The following BBS7 variants were observed in gnomAD, a reference collection of about 807,000 sequenced individuals.
The protein encoded by BBS7 is BBSome complex member BBS7.
Under a neutral mutation model 90.3 loss-of-function variants are expected in BBS7, and 50 were observed. That is an observed-to-expected ratio of 0.55 (90% CI 0.44 to 0.70). BBS7 has a LOEUF of 0.70. Among genes scored for constraint, BBS7 ranks in the 30% least tolerant of loss-of-function variants. The probability of loss-of-function intolerance (pLI) is 0.00; values close to 1 mark genes in which losing one functional copy is unlikely to be tolerated. For synonymous variants in BBS7, 235 were observed against 287.4 expected (o/e 0.82, Z 1.85); for missense variants, 729 against 838.9 (o/e 0.87, Z 1.62).
In BBS7 at chr4:121,833,357, A is replaced by T; in HGVS notation, c.1550T>A (p.Phe517Tyr). Residue 517 changes from phenylalanine (F) to tyrosine (Y), a missense_variant, in exon 15 of 19, where the codon TTT becomes TAT. Transcript: ENST00000264499. ...AACCACCCAGGAGTGAACTTCAGCA[A>T]AACTGAACTGGCCTGTTAGGGTCAG... The part of the protein sequence containing the change: ...NTLTLTGQFS[F>Y]AEVHSWVVFC... The T allele has an allele frequency of 6.2e-7, 1 of 1,614,072 alleles. No individual in the cohort carries two copies. The highest frequency in any genetic ancestry group is 2.2e-5 in the East Asian group (1 of 44,848).
At chr4:121,848,745 A>G (rs1270035006) in intron 9 of BBS7, 99 bp downstream of exon 9, 8 of 971,336 alleles carry the variant, frequency 8.2e-6, no homozygotes, top group East Asian at 5.2e-5. Context: ...GGGGACTACT[A>G]TAACTGTTTT....
Position 121,824,480 on chromosome 4 carries a change from TTG to T in BBS7, c.*1378_*1379del. On this transcript the variant is annotated 3_prime_UTR_variant, in exon 19 of 19. Transcript: ENST00000264499. This position sits in a 1 kb window ranked among gnomAD's most constrained non-coding sequence, Gnocchi z 4.1. The stretch of plus-strand genomic sequence containing the variant: ...GGCGTTTATTCATAGTAACCAGAAA[TTG>T]TGTTTTATGCTTTTTATTTTTCCTA... 1 of 152,302 alleles carries T rather than the reference TTG, an allele frequency of 6.6e-6. No individual in the cohort carries two copies. Among genetic ancestry groups the T allele is most frequent in the African/African-American group, 2.4e-5 (1 of 41,564 alleles). 9.4% of individuals were successfully genotyped at this position (152,302 alleles called of 1,614,324 possible).
At position 121,825,681 on chromosome 4, in the gene BBS7, G is replaced by T; in HGVS notation, c.*179C>A. The T allele has an allele frequency of 1.9e-6, 1 of 513,310 alleles. No homozygotes were observed. The highest frequency in any genetic ancestry group is 3.2e-6 in the Non-Finnish European group (1 of 313,292). 31.8% of individuals were successfully genotyped at this position (513,310 alleles called of 1,614,324 possible). On this transcript the variant is annotated 3_prime_UTR_variant, in exon 19 of 19. Coordinates refer to ENST00000264499, the MANE Select transcript of BBS7 (RefSeq NM_176824.3). ...AAATAAAAAGACTCTTTTAGTTTTA[G>T]AAAGTTCAATTTGTCAAAAGAAATA...
chr4:121,848,719 T>C, intron 9 of BBS7, 125 bp downstream of exon 9: 1 of 721,082 alleles, frequency 1.4e-6, no homozygotes, highest in Non-Finnish European at 2.3e-6. Flanking sequence ...TTGGAATGGA[T>C]TCCCCATGAA....
intron 2 of BBS7, among the ~76,000 whole-genome samples, chr4:121,867,321 AG>A (rs1250094378): frequency 6.6e-6 from 1 of 152,068 alleles, no homozygotes; most frequent in Non-Finnish European, 1.5e-5. Context: ...GTTTTTTGGT[AG>A]AGTCTTTAGG....
intron 5 of BBS7, among the ~76,000 whole-genome samples, chr4:121,856,165 C>T (rs1165475171): frequency 6.6e-6 from 1 of 152,140 alleles, no homozygotes; most frequent in African/African-American, 2.4e-5. Context: ...AATATTTTAA[C>T]AGACACAAAG....
chr4:121,845,361 C>CT (rs926685494), intron 11 of BBS7, 143 bp downstream of exon 11: 57 of 437,140 alleles, frequency 1.3e-4, no homozygotes, highest in Admixed American at 6.9e-4. Flanking sequence ...GAGTAAAACT[C>CT]TGTCTCAAAA....
At chr4:121,845,938 G>C (rs1725991587) in intron 10 of BBS7, among the ~76,000 whole-genome samples, 1 of 152,088 alleles carries the variant, frequency 6.6e-6, no homozygotes, top group Admixed American at 6.5e-5. Context: ...TATTAATAGA[G>C]AGTTTTAAAT....
At position 121,825,746 on chromosome 4, in the gene BBS7, T is replaced by A; in HGVS notation, c.*114A>T. The A allele has an allele frequency of 9.6e-7, 1 of 1,039,538 alleles. No homozygotes were observed. The highest frequency in any genetic ancestry group is 1.4e-6 in the Non-Finnish European group (1 of 738,114). 64.4% of individuals were successfully genotyped at this position (1,039,538 alleles called of 1,614,324 possible). On this transcript the variant is annotated 3_prime_UTR_variant, in exon 19 of 19. Transcript: ENST00000264499. Reference sequence around the variant, plus strand: ...AAAAGCCATTATATCTCAAATATTTTTAGATATAAAAAAGCATTTGAAATT... The same window carrying A: ...AAAAGCCATTATATCTCAAATATTTATAGATATAAAAAAGCATTTGAAATT...
Position 121,845,588 on chromosome 4 carries a change from A to G in BBS7, c.1146T>C (p.Asn382=), listed in dbSNP as rs1330592630. Residue 382 remains asparagine, a synonymous_variant, in exon 11 of 19, where the codon AAT becomes AAC. Coordinates refer to ENST00000264499, the MANE Select transcript of BBS7 (RefSeq NM_176824.3). ...AKSAVPSFGI[N]DKFTLNKDDA... ...CATCTTTATTTAGTGTAAATTTATC[A>G]TTTATACCAAAGGAAGGTACTGCTG... The G allele has an allele frequency of 6.2e-7, 1 of 1,612,928 alleles. No homozygotes were observed. Among genetic ancestry groups the G allele is most frequent in the Admixed American group, 1.7e-5 (1 of 60,006 alleles).
At chr4:121,839,504 A>T (rs72680765) in intron 13 of BBS7, 127 bp downstream of exon 13, 307 of 807,378 alleles carry the variant, frequency 3.8e-4, no homozygotes, top group Non-Finnish European at 6.0e-4. Flanking sequence ...TTCAAAATTC[A>T]TTACTCCAAA....
chr4:121,844,194 T>C (rs976028444), intron 11 of BBS7, among the ~76,000 whole-genome samples, 193 bp from the exon 12 acceptor site: 6 of 152,308 alleles, frequency 3.9e-5, no homozygotes, highest in Admixed American at 2.6e-4. Context: ...AAATGTTATT[T>C]TACAATCACC....
At chr4:121,849,521 G>A (rs1213627155) in intron 8 of BBS7, among the ~76,000 whole-genome samples, 3 of 152,074 alleles carry the variant, frequency 2.0e-5, no homozygotes, top group Non-Finnish European at 2.9e-5. Context: ...TATAAAGAAA[G>A]GTTTTTTAAA....
At position 121,855,523 on chromosome 4, in the gene BBS7, G is replaced by C. The variant is rs567185907; in HGVS notation, c.567C>G (p.Pro189=). The C allele has an allele frequency of 5.0e-6, 8 of 1,613,620 alleles. No homozygotes were observed. The South Asian group carries it at 6.6e-5, about 13-fold the overall frequency. Residue 189 remains proline, a synonymous_variant, in exon 6 of 19, where the codon CCC becomes CCG. Transcript: ENST00000264499. ...CATTGTGTAGTGCTAAGACAGTAGG[G>C]GGTCCAGGAACTTCAACTGCATACA... ...DVMYAVEVPG[P]PTVLALHNGN... is the part of the protein sequence containing the mutation.
intron 9 of BBS7, among the ~76,000 whole-genome samples, chr4:121,848,112 T>A (rs1013244818): frequency 2.2e-4 from 33 of 152,192 alleles, no homozygotes; most frequent in Admixed American, 1.6e-3. Context: ...AACTATTTTA[T>A]AAATCAAGAA....
At chr4:121,857,632 A>C (rs549538978) in intron 5 of BBS7, among the ~76,000 whole-genome samples, 1 of 152,156 alleles carries the variant, frequency 6.6e-6, no homozygotes, top group Admixed American at 6.5e-5. Flanking sequence ...TAATTATTTT[A>C]AAAATAATAA....
intron 2 of BBS7, among the ~76,000 whole-genome samples, chr4:121,863,826 C>G (rs1727113938): frequency 6.6e-6 from 1 of 152,116 alleles, no homozygotes; most frequent in African/African-American, 2.4e-5. Context: ...CTAGTTTCAA[C>G]AATTACCAAC....
At chr4:121,862,320 T>C (rs777449213) in intron 3 of BBS7, among the ~76,000 whole-genome samples, 5 of 152,200 alleles carry the variant, frequency 3.3e-5, no homozygotes, top group African/African-American at 4.8e-5. Flanking sequence ...TTCCATTTTA[T>C]TATTTGCACC....
chr4:121,834,977 CAAAG>C (rs1268819861), intron 14 of BBS7, among the ~76,000 whole-genome samples, 163 bp downstream of exon 14: 2 of 151,972 alleles, frequency 1.3e-5, no homozygotes, highest in Non-Finnish European at 2.9e-5. Context: ...TAAAATAAGA[CAAAG>C]AATCTTATAT....
Sources: gnomAD v4.1 joint callset for allele counts (sites outside exome capture counted in the v4.1 genomes callset) on GRCh38, gnomAD v4.1.1 for gene constraint, Gnocchi (gnomAD v3.1) non-coding constraint, MANE v1.5 for transcripts, NCBI Gene and HGNC (gene_info 2026-07-23, HGNC 2026-07-21) for gene names.